The following ATP8B3 variants were observed in gnomAD, a reference collection of about 807,000 sequenced individuals.
ATP8B3 encodes ATPase phospholipid transporting 8B3.
A neutral mutation model predicts 140.9 loss-of-function variants in ATP8B3; 141 were observed. The observed-to-expected ratio is 1.00, with a 90% CI of 0.87 to 1.15. The LOEUF (loss-of-function observed/expected upper bound fraction) is 1.15, where lower values mean the gene tolerates loss of function less well. Ranked by LOEUF, ATP8B3 falls within the 50% of genes most tolerant of loss-of-function variation. ATP8B3 has a pLI of 0.00. For missense variants in ATP8B3, 1,874 were observed against 1,740.6 expected, an observed-to-expected ratio of 1.08 and a Z score of -1.36; for synonymous variants, 765 against 714.6, an observed-to-expected ratio of 1.07 and a Z score of -1.13.
chr19:1,807,313 G>A lies in ATP8B3; in HGVS notation c.517-47C>T, dbSNP rs118066072. The A allele has an allele frequency of 0.017, 24,575 of 1,404,812 alleles. 292 individuals are homozygous for A. Among genetic ancestry groups the A allele is most frequent in the Non-Finnish European group, 0.02 (20,400 of 1,024,670 alleles). The allele number at this position is 1,404,812 out of a possible 1,614,324, so 87.0% of individuals were successfully genotyped here. ...AAGGGTCACACCAGCCCACTCCCCC[G>A]TCCCCTGCCCTTCCACCAAGCCGAC... On this transcript the variant is annotated intron_variant, in intron 5 of 28. Coordinates refer to ENST00000310127, the MANE Select transcript of ATP8B3 (RefSeq NM_138813.4). This position sits in a 1 kb window ranked among gnomAD's most constrained non-coding sequence, Gnocchi z 5.9.
At position 1,805,801 on chromosome 19, in the gene ATP8B3, G is replaced by A. The variant is rs925393723; in HGVS notation, c.821+87C>T. On this transcript the variant is annotated intron_variant, in intron 9 of 28. Transcript: ENST00000310127. The surrounding 1 kb of genome is among the most constrained non-coding windows in gnomAD (Gnocchi z 5.2). Reference sequence around the variant, plus strand: ...CAAAGTCTCTGAGCGACCTTGGCTGGCCGCCTCCTTGGTGACTGGGGAAGG... The same window carrying A: ...CAAAGTCTCTGAGCGACCTTGGCTGACCGCCTCCTTGGTGACTGGGGAAGG... 1.4e-5 allele frequency: 21 copies of A among 1,530,002 alleles called. No individual in the cohort carries two copies. The African/African-American group carries it at 2.6e-4, about 19-fold the overall frequency. 94.8% of individuals were successfully genotyped at this position (1,530,002 alleles called of 1,614,324 possible). A position where few individuals can be genotyped will look rare whatever the true frequency, so the allele number is the denominator to read the frequency against.
chr19:1,784,129 T>C (rs2068234351), intron 28 of ATP8B3, among the ~76,000 whole-genome samples: 1 of 152,148 alleles, frequency 6.6e-6, no homozygotes, highest in Non-Finnish European at 1.5e-5. Flanking sequence ...GTCAACAGAC[T>C]CTTATTTCTA....
Position 1,806,202 on chromosome 19 carries a change from T to G in ATP8B3, c.678-33A>C. The G allele has an allele frequency of 6.4e-7, 1 of 1,558,930 alleles. No homozygotes were observed. The highest frequency in any genetic ancestry group is 8.7e-7 in the Non-Finnish European group (1 of 1,153,586). Reference sequence around the variant, plus strand: ...GAGAGGGGGTTGTGAAGGAGGCCCCTCCCTCTGCCAACCCTCCCCACACCG... The same window carrying G: ...GAGAGGGGGTTGTGAAGGAGGCCCCGCCCTCTGCCAACCCTCCCCACACCG... On this transcript the variant is annotated intron_variant, in intron 7 of 28. Transcript: ENST00000310127. The surrounding 1 kb of genome is among the most constrained non-coding windows in gnomAD (Gnocchi z 5.6).
At chr19:1,803,851 G>A (rs376215537) in intron 10 of ATP8B3, among the ~76,000 whole-genome samples, 60 of 144,264 alleles carry the variant, frequency 4.2e-4, no homozygotes, top group Admixed American at 5.0e-4. Context: ...AACCAAGATC[G>A]CGCCACTGCA....
At chr19:1,789,273 T>G in intron 23 of ATP8B3, 88 bp downstream of exon 23, 6 of 910,326 alleles carry the variant, frequency 6.6e-6, no homozygotes, top group Non-Finnish European at 9.1e-6. Flanking sequence ...CCCCCTCACC[T>G]GCCCCAGGTC....
intron 25 of ATP8B3, among the ~76,000 whole-genome samples, chr19:1,786,443 G>A (rs573583444): frequency 6.6e-6 from 1 of 151,970 alleles, no homozygotes; most frequent in African/African-American, 2.4e-5. Context: ...GTGCACGCCT[G>A]TAATCCCAGC....
Position 1,807,101 on chromosome 19 carries a change from G to A in ATP8B3, c.615+67C>T. On this transcript the variant is annotated intron_variant, in intron 6 of 28. Coordinates refer to ENST00000310127, the MANE Select transcript of ATP8B3 (RefSeq NM_138813.4). The surrounding 1 kb of genome is among the most constrained non-coding windows in gnomAD (Gnocchi z 5.9). ...CCAGCCCTCCTCCCACTCTCGCCCA[G>A]GGATCAAGAGACCCCCCCGACCGGC... 7.1e-7 allele frequency: 1 copy of A among 1,417,520 alleles called. No individual in the cohort carries two copies. Among genetic ancestry groups the A allele is most frequent in the African/African-American group, 1.4e-5 (1 of 70,940 alleles). 87.8% of individuals were successfully genotyped at this position (1,417,520 alleles called of 1,614,324 possible).
chr19:1,794,558 G>A lies in ATP8B3; in HGVS notation c.2055+1317C>T, dbSNP rs962680715. 6.6e-6 allele frequency among the ~76,000 whole-genome samples: 1 copy of A among 152,146 alleles called. No individual in the cohort carries two copies. The highest frequency in any genetic ancestry group is 1.5e-5 in the Non-Finnish European group (1 of 68,018). ...CTGTAGGGTCAGGGCTGGACCAGGG[G>A]GAGGCAGCCTGGGGTGATGACAGCC... On this transcript the variant is annotated intron_variant, in intron 18 of 28. Coordinates refer to ENST00000310127, the MANE Select transcript of ATP8B3 (RefSeq NM_138813.4). The surrounding 1 kb of genome is among the most constrained non-coding windows in gnomAD (Gnocchi z 4.8).
chr19:1,788,878 G>C lies in ATP8B3; in HGVS notation c.3069+19C>G. On this transcript the variant is annotated intron_variant, in intron 24 of 28. Transcript: ENST00000310127. Reference sequence around the variant, plus strand: ...CCCCAGAGGCCCTGGTCATGGGGCAGCCAGGGTGGGGGACGCACCTGGCCG... The same window carrying C: ...CCCCAGAGGCCCTGGTCATGGGGCACCCAGGGTGGGGGACGCACCTGGCCG... 3 of 1,565,608 alleles carry C rather than the reference G, an allele frequency of 1.9e-6. No individual in the cohort carries two copies. In the South Asian group the frequency reaches 3.5e-5, roughly 18 times the overall value.
At chr19:1,804,087 C>T (rs2068937305) in intron 10 of ATP8B3, among the ~76,000 whole-genome samples, 1 of 152,122 alleles carries the variant, frequency 6.6e-6, no homozygotes, top group Admixed American at 6.5e-5. Context: ...TAGAGTGACT[C>T]TCCTTCACAA....
In ATP8B3 at chr19:1,806,246, A is replaced by T; in HGVS notation, c.678-77T>A. The T allele has an allele frequency of 1.3e-6, 2 of 1,537,136 alleles. No individual in the cohort carries two copies. Among genetic ancestry groups the T allele is most frequent in the Non-Finnish European group, 1.7e-6 (2 of 1,144,138 alleles). On this transcript the variant is annotated intron_variant, in intron 7 of 28. Coordinates refer to ENST00000310127, the MANE Select transcript of ATP8B3 (RefSeq NM_138813.4). This position sits in a 1 kb window ranked among gnomAD's most constrained non-coding sequence, Gnocchi z 5.6. ...CACACCGGGAGACCAGAGGCACGGG[A>T]TGACGGGGGGCCCGCAGCTGCAGTC...
chr19:1,789,049 C>T lies in ATP8B3; in HGVS notation c.2917G>A (p.Gly973Ser), dbSNP rs1271315568. 2 of 1,605,926 alleles carry T rather than the reference C, an allele frequency of 1.2e-6. No homozygotes were observed. Among genetic ancestry groups the T allele is most frequent in the Non-Finnish European group, 1.7e-6 (2 of 1,177,310 alleles). ...QAVQNSDFVL[G>S]QFCFLQRLLL... ...AGGCGCTGCAGGAAGCAGAACTGGCCGAGCACGAAGTCGCTGTTCTGAACT... is the reference window on the plus strand; with the variant it reads ...AGGCGCTGCAGGAAGCAGAACTGGCTGAGCACGAAGTCGCTGTTCTGAACT... The change falls in exon 24 of 29, where the codon GGC (glycine) becomes AGC (serine). Residue 973 changes from glycine to serine, a missense_variant. Physicochemically the swap from Gly to Ser is moderately conservative, Grantham distance 56. This residue lies in a region of ATP8B3 where 840 missense variants were observed against 760.9 expected (regional missense o/e 1.10). Coordinates refer to ENST00000310127, the MANE Select transcript of ATP8B3 (RefSeq NM_138813.4).
At chr19:1,792,269 G>C in intron 18 of ATP8B3, 134 bp from the exon 19 acceptor site, 1 of 1,061,514 alleles carries the variant, frequency 9.4e-7, no homozygotes, top group Middle Eastern at 3.1e-4. Context: ...GCCAACAGCA[G>C]CCAGAAGGGA....
chr19:1,787,108 C>A lies in ATP8B3; in HGVS notation c.3148G>T (p.Glu1050Ter). 1.2e-6 allele frequency: 2 copies of A among 1,602,768 alleles called. No individual in the cohort carries two copies. The highest frequency in any genetic ancestry group is 2.2e-5 in the South Asian group (2 of 89,100). ...TLPVLYIGLF[E>*]QDVSAEQSLE... is the part of the protein sequence containing the mutation. ...CCCGGCCTTGCCCTGCTCACCTGCT[C>A]AAAGAGCCCAATGTAGAGAACTGGC... is the stretch of plus-strand genomic sequence containing the variant. The change falls in exon 25 of 29, where the codon GAG becomes TAG. Residue 1050 changes from glutamate to a stop codon, truncating the protein, a stop_gained. Transcript: ENST00000310127. LOFTEE classifies it high-confidence loss of function.
chr19:1,785,126 G>A (rs761156019), intron 27 of ATP8B3, 33 bp downstream of exon 27: 10 of 1,514,408 alleles, frequency 6.6e-6, no homozygotes, highest in African/African-American at 4.2e-5. Context: ...CCTGCACCAC[G>A]ACCGCCCGTC....
At position 1,806,634 on chromosome 19, in the gene ATP8B3, C is replaced by T. The variant is rs781061414; in HGVS notation, c.671G>A (p.Gly224Glu). The stretch of plus-strand genomic sequence containing the variant: ...GCTGCAGCCCCAGCCTCACCTCTTC[C>T]CCATCAGAATCTGGCAGGGTCTGTT... ...INNRPCQILM[G>E]KSFKQKKWQD... Residue 224 changes from glycine to glutamate, a missense_variant, in exon 7 of 29, where the codon GGG becomes GAG. Physicochemically the swap from Gly to Glu is moderately conservative, Grantham distance 98. Coordinates refer to ENST00000310127, the MANE Select transcript of ATP8B3 (RefSeq NM_138813.4). The surrounding 1 kb of genome is among the most constrained non-coding windows in gnomAD (Gnocchi z 5.6). 4.7e-5 allele frequency: 74 copies of T among 1,558,932 alleles called. No individual in the cohort carries two copies. Among genetic ancestry groups the T allele is most frequent in the Non-Finnish European group, 6.1e-5 (70 of 1,151,702 alleles).
rs542375169 is a variant in ATP8B3, at chr19:1,796,097, C to T, written c.1922G>A (p.Arg641His). ...VLAIMDFNST[R>H]KRMSVLVRKP... ...CTCACCCAGCACCGACATCCGTTTG[C>T]GCGTGCTGTTGAAGTCCATTATGGC... The change falls in exon 17 of 29, where the codon CGC becomes CAC. Residue 641 changes from arginine to histidine, a missense_variant. Physicochemically the swap from Arg to His is conservative, Grantham distance 29. Coordinates refer to ENST00000310127, the MANE Select transcript of ATP8B3 (RefSeq NM_138813.4). 7.0e-5 allele frequency: 113 copies of T among 1,612,952 alleles called. No homozygotes were observed. Among genetic ancestry groups the T allele is most frequent in the East Asian group, 5.8e-4 (26 of 44,876 alleles).
chr19:1,810,182 A>G (rs771019545), intron 3 of ATP8B3, among the ~76,000 whole-genome samples: 8 of 152,262 alleles, frequency 5.3e-5, no homozygotes, highest in Non-Finnish European at 1.2e-4. Context: ...GGAGACTACT[A>G]GAAACCAAAT....
rs756777597 is a variant in ATP8B3 at position 1,789,684 on chromosome 19, G to T, written c.2522C>A (p.Ala841Glu). ...CGCCTCGTCCATGTTCACGTTCTGC[G>T]CCAGGGCGCGCGGCTCCTTCCGCAG... is the stretch of plus-strand genomic sequence containing the variant. ...VSLRKEPRALAQNVNMDEAWQ... is the reference protein window; with the variant it reads ...VSLRKEPRALEQNVNMDEAWQ... The change falls in exon 23 of 29, where the codon GCG becomes GAG. Residue 841 changes from alanine to glutamate, a missense_variant. Around this residue, in one of 3 missense-constraint regions of ATP8B3, gnomAD observed 840 missense variants for 760.9 expected, o/e 1.10. Coordinates refer to ENST00000310127, the MANE Select transcript of ATP8B3 (RefSeq NM_138813.4). 5.6e-6 allele frequency: 9 copies of T among 1,593,908 alleles called. No individual in the cohort carries two copies. Among genetic ancestry groups the T allele is most frequent in the South Asian group, 5.6e-5 (5 of 89,044 alleles).
Sources: gnomAD v4.1 joint callset for allele counts (sites outside exome capture counted in the v4.1 genomes callset) on GRCh38, gnomAD v4.1.1 for gene constraint, gnomAD v4.1.1 regional missense constraint, Gnocchi (gnomAD v3.1) non-coding constraint, MANE v1.5 for transcripts, NCBI Gene and HGNC (gene_info 2026-07-23, HGNC 2026-07-21) for gene names.